GALNTL6: variants seen among roughly 807,000 people sequenced by gnomAD.
GALNTL6 encodes polypeptide N-acetylgalactosaminyltransferase-like 6.
GALNTL6 carries 46 observed loss-of-function variants against 73.7 expected under a neutral mutation model. That is an observed-to-expected ratio of 0.62 (90% CI 0.49 to 0.80). GALNTL6 has a LOEUF of 0.80. GALNTL6 is among the 30% of genes least tolerant of loss of function. The probability of loss-of-function intolerance (pLI) is 0.00; values close to 1 mark genes in which losing one functional copy is unlikely to be tolerated. For synonymous variants in GALNTL6, 259 were observed against 263.7 expected (o/e 0.98, Z 0.17); for missense variants, 604 against 755.0 (o/e 0.80, Z 2.34).
intron 5 of GALNTL6, among the ~76,000 whole-genome samples, chr4:172,756,663 T>G (rs527696590): frequency 6.6e-6 from 1 of 151,414 alleles, no homozygotes; most frequent in Admixed American, 6.6e-5. Context: ...AAAGCAGATG[T>G]GTCTACAGTT....
intron 5 of GALNTL6, among the ~76,000 whole-genome samples, chr4:172,550,697 C>T (rs1210484242): frequency 6.6e-6 from 1 of 152,124 alleles, no homozygotes; most frequent in African/African-American, 2.4e-5. Context: ...TCCTGGGCTC[C>T]AGCCATCCCC....
At chr4:172,536,853 C>G (rs1735362971) in intron 5 of GALNTL6, among the ~76,000 whole-genome samples, 1 of 152,084 alleles carries the variant, frequency 6.6e-6, no homozygotes, top group African/African-American at 2.4e-5. Context: ...GAGCCAAATG[C>G]TAATCACCAA....
At chr4:171,994,158 A>G (rs1257326060) in intron 2 of GALNTL6, among the ~76,000 whole-genome samples, 1 of 152,110 alleles carries the variant, frequency 6.6e-6, no homozygotes, top group Non-Finnish European at 1.5e-5. Context: ...ACCAGTATCA[A>G]TCAAGATGGT....
chr4:172,179,738 A>G (rs1245287542), intron 2 of GALNTL6, among the ~76,000 whole-genome samples: 4 of 151,620 alleles, frequency 2.6e-5, no homozygotes, highest in African/African-American at 7.3e-5. Context: ...GCCCATGCCT[A>G]TGTCCTGAAT....
chr4:172,206,775 G>GTTTTTTTTTTTTT (rs1214874685), intron 2 of GALNTL6, among the ~76,000 whole-genome samples: 1 of 79,788 alleles, frequency 1.3e-5, no homozygotes, highest in East Asian at 1.2e-3. Flanking sequence ...GATGAAACGT[G>GTTTTTTTTTTTTT]TTTTTTGTTT....
chr4:171,866,069 G>A (rs1735963020), intron 2 of GALNTL6, among the ~76,000 whole-genome samples: 1 of 151,938 alleles, frequency 6.6e-6, no homozygotes, highest in Non-Finnish European at 1.5e-5. Flanking sequence ...AGAAAATAAA[G>A]GACCCTAATA....
At chr4:171,998,344 G>T (rs1403063471) in intron 2 of GALNTL6, among the ~76,000 whole-genome samples, 1 of 152,148 alleles carries the variant, frequency 6.6e-6, no homozygotes, top group Non-Finnish European at 1.5e-5. Context: ...GTGCTGGCAA[G>T]GTTGGCTTCC....
At chr4:172,901,055 C>A (rs1001156710) in intron 8 of GALNTL6, among the ~76,000 whole-genome samples, 1 of 152,116 alleles carries the variant, frequency 6.6e-6, no homozygotes, top group African/African-American at 2.4e-5. Flanking sequence ...GCAGCCCTAT[C>A]GTTTTTGTCT....
At chr4:173,010,769 AT>A (rs146884418) in intron 11 of GALNTL6, among the ~76,000 whole-genome samples, 16,893 of 125,704 alleles carry the variant, frequency 0.13, 990 homozygotes, top group Non-Finnish European at 0.16. Context: ...TAATTTTTGT[AT>A]TTTTTTTTTT....
intron 8 of GALNTL6, among the ~76,000 whole-genome samples, chr4:172,920,864 G>C (rs1747755068): frequency 6.6e-6 from 1 of 152,088 alleles, no homozygotes; most frequent in African/African-American, 2.4e-5. Context: ...CCATGTGTCA[G>C]GCACTGTTAA....
At chr4:172,692,044 G>A (rs1433567750) in intron 5 of GALNTL6, among the ~76,000 whole-genome samples, 1 of 149,290 alleles carries the variant, frequency 6.7e-6, no homozygotes, top group Non-Finnish European at 1.5e-5. Context: ...ATTTTTTTTA[G>A]AAACAAAGGT....
intron 2 of GALNTL6, among the ~76,000 whole-genome samples, chr4:171,910,875 G>C (rs766930765): frequency 6.6e-6 from 1 of 152,002 alleles, no homozygotes; most frequent in Non-Finnish European, 1.5e-5. Flanking sequence ...TGCAGAATTT[G>C]TACTAAAACT....
At chr4:171,851,710 C>T (rs997115318) in intron 2 of GALNTL6, among the ~76,000 whole-genome samples, 2 of 152,136 alleles carry the variant, frequency 1.3e-5, no homozygotes, top group Admixed American at 1.3e-4. Flanking sequence ...TGCATGTGAA[C>T]TTAAGTCATA....
chr4:172,766,002 T>C (rs1312788206), intron 5 of GALNTL6, among the ~76,000 whole-genome samples: 1 of 152,036 alleles, frequency 6.6e-6, no homozygotes, highest in Non-Finnish European at 1.5e-5. Context: ...TTCAGGGGGA[T>C]AAATTTCTCT....
intron 2 of GALNTL6, among the ~76,000 whole-genome samples, chr4:172,049,017 G>A (rs1579087935): frequency 6.6e-6 from 1 of 152,104 alleles, no homozygotes; most frequent in Admixed American, 6.6e-5. Flanking sequence ...CAGCAGTAAC[G>A]CAATTTGTTT....
chr4:172,737,283 A>G (rs546622697), intron 5 of GALNTL6, among the ~76,000 whole-genome samples: 2 of 152,050 alleles, frequency 1.3e-5, no homozygotes, highest in Non-Finnish European at 2.9e-5. Context: ...TATGTCTTGC[A>G]GGTGGTCTTT....
chr4:172,278,787 G>T (rs1738926535), intron 3 of GALNTL6, among the ~76,000 whole-genome samples: 1 of 152,048 alleles, frequency 6.6e-6, no homozygotes, highest in Admixed American at 6.6e-5. Context: ...AACTGAAAAA[G>T]AATTGAAGGT....
chr4:172,633,173 A>C (rs1739488583), intron 5 of GALNTL6, among the ~76,000 whole-genome samples: 1 of 152,174 alleles, frequency 6.6e-6, no homozygotes. Context: ...AACTCTGAAA[A>C]GAGGGCCACC....
intron 5 of GALNTL6, among the ~76,000 whole-genome samples, chr4:172,365,599 A>G (rs2111247429): frequency 6.6e-6 from 1 of 152,168 alleles, no homozygotes; most frequent in East Asian, 1.9e-4. Context: ...ATACTCCCTT[A>G]GCACTCATGA....
Sources: allele counts gnomAD v4.1 joint callset (sites outside exome capture counted in the v4.1 genomes callset), GRCh38; gene constraint gnomAD v4.1.1; transcripts MANE v1.5; gene names NCBI Gene and HGNC (gene_info 2026-07-23, HGNC 2026-07-21).